GATA2: variants seen among roughly 807,000 people sequenced by gnomAD.
The protein encoded by GATA2 is GATA binding protein 2.
GATA2 carries 6 observed loss-of-function variants against 35.7 expected under a neutral mutation model. The ratio of observed to expected loss-of-function variants is 0.17; its 90% confidence interval spans 0.09 to 0.33. The LOEUF is 0.33. Ranked by LOEUF, GATA2 falls within the 10% of genes least tolerant of loss-of-function variation. The pLI is 1.00. For missense variants in GATA2, 541 were observed against 656.6 expected, an observed-to-expected ratio of 0.82 and a Z score of 1.92; for synonymous variants, 313 against 274.9, an observed-to-expected ratio of 1.14 and a Z score of -1.37.
rs1298377738 is a variant in GATA2 at position 128,488,560 on chromosome 3, G to GGGGGAGGGGGCACCCCTCCCC, written c.-45-1505_-45-1485dup. The GGGGGAGGGGGCACCCCTCCCC allele has an allele frequency of 6.6e-6, 1 of 152,390 alleles. No individual in the cohort carries two copies. The highest frequency in any genetic ancestry group is 2.4e-5 in the African/African-American group (1 of 41,450). 9.4% of individuals were successfully genotyped at this position (152,390 alleles called of 1,614,324 possible). A position where few individuals can be genotyped will look rare whatever the true frequency, so the allele number is the denominator to read the frequency against. ...GTGGCCCGGCCGGTGGCTCCAGAAA[G>GGGGGAGGGGGCACCCCTCCCC]GGGGAGGGGGCACCCCTCCCCGGGC... On this transcript the variant is annotated intron_variant, in intron 1 of 5. Transcript: ENST00000341105. The surrounding 1 kb of genome is among the most constrained non-coding windows in gnomAD (Gnocchi z 5.8).
chr3:128,481,646 C>T (rs1313631380), intron 5 of GATA2, among the ~76,000 whole-genome samples, 173 bp downstream of exon 5: 2 of 152,132 alleles, frequency 1.3e-5, no homozygotes, highest in African/African-American at 4.8e-5. Flanking sequence ...AGCTCCACCT[C>T]CTGAGCAGAG....
At position 128,480,399 on chromosome 3, in the gene GATA2, G is replaced by T. The variant is rs1417637739; in HGVS notation, c.*620C>A. ...CAGCCCTGGCCTGGGAATCTGTGCA[G>T]GACCGCCCGTGATTGTCTCTGCCCT... On this transcript the variant is annotated 3_prime_UTR_variant, in exon 6 of 6. Transcript: ENST00000341105. The T allele has an allele frequency of 8.5e-6, 2 of 234,590 alleles. No homozygotes were observed. Among genetic ancestry groups the T allele is most frequent in the Non-Finnish European group, 1.7e-5 (2 of 119,114 alleles). 14.5% of individuals were successfully genotyped at this position (234,590 alleles called of 1,614,324 possible). A position where few individuals can be genotyped will look rare whatever the true frequency, so the allele number is the denominator to read the frequency against.
chr3:128,485,224 C>T (rs1401171979), intron 3 of GATA2, among the ~76,000 whole-genome samples: 4 of 152,128 alleles, frequency 2.6e-5, no homozygotes, highest in African/African-American at 4.8e-5. Context: ...AGGGAGCCAT[C>T]GAAATCCCAA....
Position 128,481,963 on chromosome 3 carries a change from G to A in GATA2, c.1018-19C>T, listed in dbSNP as rs11708606. 0.18 allele frequency: 289,900 copies of A among 1,611,562 alleles called. 27,415 individuals carry two copies. Among genetic ancestry groups the A allele is most frequent in the Non-Finnish European group, 0.2 (231,210 of 1,179,740 alleles). The stretch of plus-strand genomic sequence containing the variant: ...CGGCCGACTGGGAGGGCAAGGCAGC[G>A]TCAGCAGGCTGGACTCCCACGCCCA... On this transcript the variant is annotated intron_variant, in intron 4 of 5. Coordinates refer to ENST00000341105, the MANE Select transcript of GATA2 (RefSeq NM_032638.5).
intron 4 of GATA2, among the ~76,000 whole-genome samples, chr3:128,482,826 C>T (rs1338881560): frequency 6.6e-6 from 1 of 152,246 alleles, no homozygotes; most frequent in Non-Finnish European, 1.5e-5. Context: ...GTTCCACCAA[C>T]GCCAGCCCCA....
rs2068624116 is a variant in GATA2, at chr3:128,481,231, C to G, written c.1231G>C (p.Ala411Pro). The G allele has an allele frequency of 6.2e-7, 1 of 1,614,226 alleles. No individual in the cohort carries two copies. Among genetic ancestry groups the G allele is most frequent in the African/African-American group, 1.3e-5 (1 of 75,056 alleles). The stretch of plus-strand genomic sequence containing the variant: ...TTTGACAGCTCCTCGAAGCACTCCG[C>G]CCCTTTCTTGCTCTTCTTGGACTTG... The part of the protein sequence containing the change: ...SNKSKKSKKG[A>P]ECFEELSKCM... Residue 411 changes from alanine (A) to proline (P), a missense_variant, in exon 6 of 6, where the codon GCG becomes CCG. Ala to Pro is a conservative substitution (Grantham distance 27). This residue lies in a region of GATA2 where 95 missense variants were observed against 114.0 expected (regional missense o/e 0.83). Transcript: ENST00000341105.
At chr3:128,491,041 C>G (rs2068761709) in intron 1 of GATA2, among the ~76,000 whole-genome samples, 1 of 152,144 alleles carries the variant, frequency 6.6e-6, no homozygotes, top group Non-Finnish European at 1.5e-5. Context: ...ACCCTTTTGG[C>G]CCGAGAACTC....
At chr3:128,486,678 C>T in intron 2 of GATA2, 125 bp downstream of exon 2, 1 of 1,059,880 alleles carries the variant, frequency 9.4e-7, no homozygotes. Context: ...CCTCTCCCGC[C>T]CCAATTTTTC....
rs780263343 is a variant in GATA2, at chr3:128,481,030, C to T, written c.1432G>A (p.Ala478Thr). The change falls in exon 6 of 6, where the codon GCC becomes ACC. Residue 478 changes from alanine (A) to threonine (T), a missense_variant. Ala to Thr is a moderately conservative substitution (Grantham distance 58, BLOSUM62 0). Around this residue, in one of 5 missense-constraint regions of GATA2, gnomAD observed 95 missense variants for 114.0 expected, o/e 0.83. Coordinates refer to ENST00000341105, the MANE Select transcript of GATA2 (RefSeq NM_032638.5). The part of the protein sequence containing the change: ...GHPHPSSMVT[A>T]MG Reference sequence around the variant, plus strand: ...CGTCCATCTGTTCCCTAGCCCATGGCGGTCACCATGCTGGACGGGTGGGGG... The same window carrying T: ...CGTCCATCTGTTCCCTAGCCCATGGTGGTCACCATGCTGGACGGGTGGGGG... 1 of 1,576,428 alleles carries T rather than the reference C, an allele frequency of 6.3e-7. No homozygotes were observed. Among genetic ancestry groups the T allele is most frequent in the Non-Finnish European group, 8.6e-7 (1 of 1,159,406 alleles).
chr3:128,482,935 C>G (rs1343381874), intron 4 of GATA2, among the ~76,000 whole-genome samples: 7 of 152,206 alleles, frequency 4.6e-5, no homozygotes, highest in Non-Finnish European at 1.0e-4. Context: ...CCTGCAGAGC[C>G]TGGAACAGCC....
intron 1 of GATA2, among the ~76,000 whole-genome samples, chr3:128,491,044 G>A (rs975394586): frequency 6.6e-6 from 1 of 152,156 alleles, no homozygotes; most frequent in African/African-American, 2.4e-5. Context: ...CTTTTGGCCC[G>A]AGAACTCACA....
At position 128,479,601 on chromosome 3, in the gene GATA2, C is replaced by G. The variant is rs905132525; in HGVS notation, c.*1418G>C. The G allele has an allele frequency of 4.3e-6, 1 of 233,270 alleles. No individual in the cohort carries two copies. The allele number at this position is 233,270 out of a possible 1,614,324, so 14.5% of individuals were successfully genotyped here. Reference sequence around the variant, plus strand: ...ATAAAAACAGAAAATACTGCCGATTCTTTTTCTTATGCGGACACTAGTACA... The same window carrying G: ...ATAAAAACAGAAAATACTGCCGATTGTTTTTCTTATGCGGACACTAGTACA... On this transcript the variant is annotated 3_prime_UTR_variant, in exon 6 of 6. Transcript: ENST00000341105.
In GATA2 at chr3:128,486,984, C is replaced by A. The variant is rs757404617; in HGVS notation, c.48G>T (p.Val16=). The A allele has an allele frequency of 1.9e-6, 3 of 1,608,514 alleles. No homozygotes were observed. The East Asian group carries it at 6.7e-5, about 36-fold the overall frequency. ...GTGAGTCGGGGTGCTGCGCATTCAG[C>A]ACGGCCGGGTGCGCCATCCAGCGCG... The part of the protein sequence containing the change: ...EQPRWMAHPA[V]LNAQHPDSHH... The change falls in exon 2 of 6, where the codon GTG becomes GTT. Residue 16 remains valine, a synonymous_variant. Transcript: ENST00000341105.
intron 2 of GATA2, 57 bp downstream of exon 2, chr3:128,486,746 C>A (rs2068704904): frequency 3.4e-6 from 5 of 1,490,730 alleles, no homozygotes; most frequent in Non-Finnish European, 4.6e-6. Context: ...GCCCTCCTCC[C>A]CTCCCTCGCC....
chr3:128,482,995 G>A (rs1481092771), intron 4 of GATA2, among the ~76,000 whole-genome samples: 1 of 152,190 alleles, frequency 6.6e-6, no homozygotes, highest in Non-Finnish European at 1.5e-5. Flanking sequence ...CAGCCGCGGG[G>A]GCAGGGAGGG....
Position 128,484,023 on chromosome 3 carries a change from G to A in GATA2, c.872-18C>T, listed in dbSNP as rs2107670522. On this transcript the variant is annotated intron_variant, in intron 3 of 5. Transcript: ENST00000341105. ...CCGGCCTTCTGCAGGGGAACAGGGA[G>A]AGACACGGGGGCCTGCTTAACCGGC... 1 of 1,610,678 alleles carries A rather than the reference G, an allele frequency of 6.2e-7. No individual in the cohort carries two copies. Among genetic ancestry groups the A allele is most frequent in the Non-Finnish European group, 8.5e-7 (1 of 1,179,000 alleles).
At chr3:128,491,208 G>C (rs2068762933) in intron 1 of GATA2, among the ~76,000 whole-genome samples, 4 of 107,382 alleles carry the variant, frequency 3.7e-5, no homozygotes, top group Admixed American at 9.1e-5. Flanking sequence ...CGGCCGTCCA[G>C]CCCCCCCCCC....
Position 128,485,892 on chromosome 3 carries a change from T to C in GATA2, c.706A>G (p.Met236Val), listed in dbSNP as rs746737860. The C allele has an allele frequency of 1.9e-5, 31 of 1,613,934 alleles. No individual in the cohort carries two copies. Among genetic ancestry groups the C allele is most frequent in the African/African-American group, 4.0e-5 (3 of 74,894 alleles). ...TGGTGTGTAGCAGGCTGGGTGCCCA[T>C]AGTAGCTAGGCCTGGGCGCAGGGGA... ...GSPLRPGLAT[M>V]GTQPATHHPI... The change falls in exon 3 of 6, where the codon ATG (methionine) becomes GTG (valine). Residue 236 changes from methionine (M) to valine (V), a missense_variant. Coordinates refer to ENST00000341105, the MANE Select transcript of GATA2 (RefSeq NM_032638.5).
At position 128,486,133 on chromosome 3, in the gene GATA2, T is replaced by C. The variant is rs1029991239; in HGVS notation, c.465A>G (p.Ser155=). ...CTGCTGTAGGGGTGAGGGAGGCCACTGAGCTCCCGCTGCCTCCCCCGCTCC... is the reference window on the plus strand; with the variant it reads ...CTGCTGTAGGGGTGAGGGAGGCCACCGAGCTCCCGCTGCCTCCCCCGCTCC... ...GGGSGGGSGS[S]VASLTPTAAH... The change falls in exon 3 of 6, where the codon TCA becomes TCG. Residue 155 remains serine (S), a synonymous_variant. Coordinates refer to ENST00000341105, the MANE Select transcript of GATA2 (RefSeq NM_032638.5). The C allele has an allele frequency of 8.7e-6, 14 of 1,605,116 alleles. No individual in the cohort carries two copies. Among genetic ancestry groups the C allele is most frequent in the Non-Finnish European group, 1.1e-5 (13 of 1,176,754 alleles).
Sources: gnomAD v4.1 joint callset for allele counts (sites outside exome capture counted in the v4.1 genomes callset) on GRCh38, gnomAD v4.1.1 for gene constraint, gnomAD v4.1.1 regional missense constraint, Gnocchi (gnomAD v3.1) non-coding constraint, MANE v1.5 for transcripts, NCBI Gene and HGNC (gene_info 2026-07-23, HGNC 2026-07-21) for gene names.